BRWD3: variants seen among roughly 807,000 people sequenced by gnomAD.
BRWD3 encodes bromodomain and WD repeat domain containing 3, also known as bromodomain and WD repeat-containing protein 3.
A neutral mutation model predicts 149.7 loss-of-function variants in BRWD3; 10 were observed. That is an observed-to-expected ratio of 0.07 (90% CI 0.04 to 0.11). The LOEUF is 0.11. Among genes scored for constraint, BRWD3 ranks in the 10% least tolerant of loss-of-function variants. BRWD3 has a pLI of 1.00. For missense variants in BRWD3, 940 were observed against 1,373.2 expected, an observed-to-expected ratio of 0.68 and a Z score of 4.99; for synonymous variants, 504 against 456.7, an observed-to-expected ratio of 1.10 and a Z score of -1.32.
At chrX:80,789,544 T>C (rs985645863) in intron 6 of BRWD3, among the ~76,000 whole-genome samples, 1 of 109,959 alleles carries the variant, frequency 9.1e-6, no homozygotes, top group African/African-American at 3.3e-5. Flanking sequence ...CCCAGCTAAT[T>C]TTTCGTATTT....
In BRWD3 at chrX:80,675,002, A is replaced by G. The variant is rs1026009550; in HGVS notation, c.*1607T>C. On this transcript the variant is annotated 3_prime_UTR_variant, in exon 41 of 41. Transcript: ENST00000373275. The stretch of plus-strand genomic sequence containing the variant: ...ACTAAGAAGTCTGTTTTATCCCATG[A>G]GCCTGATCTAAGTGCAACAAATTTG... The G allele has an allele frequency of 1.8e-5, 2 of 111,728 alleles. No homozygotes were observed. The highest frequency in any genetic ancestry group is 5.6e-4 in the East Asian group (2 of 3,551). 9.2% of individuals were successfully genotyped at this position (111,728 alleles called of 1,213,427 possible).
intron 12 of BRWD3, chrX:80,733,155 T>C (rs1017397770): frequency 5.5e-6 from 1 of 182,329 alleles, no homozygotes; most frequent in African/African-American, 3.1e-5. Context: ...AGAACAATGT[T>C]ACACTGGCAG....
At chrX:80,711,062 C>T (rs2072958114) in intron 20 of BRWD3, among the ~76,000 whole-genome samples, 1 of 110,876 alleles carries the variant, frequency 9.0e-6, no homozygotes, top group African/African-American at 3.3e-5. Context: ...TTTACGTATG[C>T]CACATTATTC....
intron 3 of BRWD3, 22 bp from the exon 4 acceptor site, chrX:80,808,620 A>G: frequency 8.3e-7 from 1 of 1,198,875 alleles, no homozygotes; most frequent in Non-Finnish European, 1.1e-6. Context: ...ACGAAAAGAA[A>G]GGGGGAAGCG....
chrX:80,712,613 G>T (rs1449687328), intron 20 of BRWD3, among the ~76,000 whole-genome samples: 1 of 105,991 alleles, frequency 9.4e-6, no homozygotes, highest in African/African-American at 3.5e-5. Flanking sequence ...GCTGCCCATC[G>T]TCTGGGATGT....
At chrX:80,714,947 G>A (rs1307654662) in intron 20 of BRWD3, among the ~76,000 whole-genome samples, 2 of 111,994 alleles carry the variant, frequency 1.8e-5, no homozygotes. Flanking sequence ...ATTAAAATTT[G>A]AAGTGAAAAC....
Position 80,688,077 on chromosome X carries a change from C to T in BRWD3, c.3856G>A (p.Gly1286Arg). 8.3e-7 allele frequency: 1 copy of T among 1,199,682 alleles called. No individual in the cohort carries two copies. The highest frequency in any genetic ancestry group is 1.1e-6 in the Non-Finnish European group (1 of 884,806). Residue 1286 changes from glycine to arginine, a missense_variant, in exon 34 of 41, where the codon GGA (glycine) becomes AGA (arginine). Gly to Arg is a moderately radical substitution (Grantham distance 125). Around this residue, in one of 6 missense-constraint regions of BRWD3, gnomAD observed 349 missense variants for 419.6 expected, o/e 0.83. Coordinates refer to ENST00000373275, the MANE Select transcript of BRWD3 (RefSeq NM_153252.5). ...LDSDGPGTSS[G>R]RKVKCRGRRQ... ...TTCACTTATTTACTCACCTTTCTTC[C>T]AGATGAAGTACCAGGACCGTCTGAA...
intron 14 of BRWD3, among the ~76,000 whole-genome samples, chrX:80,726,614 C>A (rs2073252887): frequency 9.1e-6 from 1 of 110,174 alleles, no homozygotes; most frequent in African/African-American, 3.3e-5. Context: ...AAAAAATGAT[C>A]ATATCCTGCA....
intron 17 of BRWD3, among the ~76,000 whole-genome samples, chrX:80,721,124 A>T (rs2147751626): frequency 8.9e-6 from 1 of 112,210 alleles, no homozygotes; most frequent in South Asian, 3.7e-4. Context: ...TGAGTACAAA[A>T]TTTTTATATA....
intron 6 of BRWD3, among the ~76,000 whole-genome samples, chrX:80,786,376 A>G (rs1016447227): frequency 9.0e-6 from 1 of 111,000 alleles, no homozygotes; most frequent in African/African-American, 3.3e-5. Context: ...TACAAATTCT[A>G]TGCATAGTGG....
chrX:80,775,570 G>A (rs1387653071), intron 6 of BRWD3, among the ~76,000 whole-genome samples: 1 of 111,773 alleles, frequency 8.9e-6, no homozygotes, highest in East Asian at 2.8e-4. Flanking sequence ...AAAGATTGCA[G>A]AACACTTAAA....
intron 4 of BRWD3, among the ~76,000 whole-genome samples, chrX:80,805,567 A>C (rs2074341144): frequency 9.0e-6 from 1 of 111,613 alleles, no homozygotes; most frequent in Non-Finnish European, 1.9e-5. Flanking sequence ...CTTTGCCCTA[A>C]ATTTCAATCC....
chrX:80,684,032 T>C lies in BRWD3; in HGVS notation c.4211A>G (p.Tyr1404Cys), dbSNP rs2147678381. Residue 1404 changes from tyrosine to cysteine, a missense_variant, in exon 37 of 41, where the codon TAT (tyrosine) becomes TGT (cysteine). This residue lies in a region of BRWD3 where 349 missense variants were observed against 419.6 expected (regional missense o/e 0.83). Coordinates refer to ENST00000373275, the MANE Select transcript of BRWD3 (RefSeq NM_153252.5). Reference protein sequence around the residue: ...VRQIFNNSKAYTSNKKSRIYS... With the variant: ...VRQIFNNSKACTSNKKSRIYS... Reference sequence around the variant, plus strand: ...TACCCTTGACTTTTTATTAGAGGTATAAGCTTTGGAGTTGTTGAATATTTG... The same window carrying C: ...TACCCTTGACTTTTTATTAGAGGTACAAGCTTTGGAGTTGTTGAATATTTG... 8.3e-7 allele frequency: 1 copy of C among 1,208,749 alleles called. No homozygotes were observed. The highest frequency in any genetic ancestry group is 1.1e-6 in the Non-Finnish European group (1 of 893,291).
At chrX:80,800,864 T>G (rs2147865633) in intron 4 of BRWD3, among the ~76,000 whole-genome samples, 1 of 111,194 alleles carries the variant, frequency 9.0e-6, no homozygotes, top group Non-Finnish European at 1.9e-5. Context: ...ATAGCATTTC[T>G]TTTTCTTTTT....
At chrX:80,744,458 T>C (rs1157525895) in intron 7 of BRWD3, among the ~76,000 whole-genome samples, 1 of 112,515 alleles carries the variant, frequency 8.9e-6, no homozygotes, top group East Asian at 2.8e-4. Flanking sequence ...AAAGTGACAA[T>C]GGCATTTGTG....
chrX:80,809,005 C>A lies in BRWD3; in HGVS notation c.120+8G>T, dbSNP rs971347671. ...ACCCTCCCCACCCTTCCCGAAGGGGCTCCGTACCTGATGCTCCTCGAGCTC... is the reference window on the plus strand; with the variant it reads ...ACCCTCCCCACCCTTCCCGAAGGGGATCCGTACCTGATGCTCCTCGAGCTC... On this transcript the variant is annotated splice_region_variant and intron_variant, in intron 3 of 40. Transcript: ENST00000373275. 2.5e-6 allele frequency: 3 copies of A among 1,198,346 alleles called. No individual in the cohort carries two copies. The highest frequency in any genetic ancestry group is 3.4e-6 in the Non-Finnish European group (3 of 888,545).
At chrX:80,735,068 T>C in intron 10 of BRWD3, 59 bp downstream of exon 10, 1 of 1,012,993 alleles carries the variant, frequency 9.9e-7, no homozygotes. Flanking sequence ...CATAAATCAC[T>C]TTCACAACTG....
In BRWD3 at chrX:80,751,756, C is replaced by T. The variant is rs546758787; in HGVS notation, c.431-6027G>A. On this transcript the variant is annotated intron_variant, in intron 6 of 40. Coordinates refer to ENST00000373275, the MANE Select transcript of BRWD3 (RefSeq NM_153252.5). The stretch of plus-strand genomic sequence containing the variant: ...TCTGAGTCTCCACTGTCTACCATTC[C>T]ACTCTCTACATCCAGATGTCCACAT... Among the ~76,000 whole-genome samples, 17 of 110,147 alleles carry T rather than the reference C, an allele frequency of 1.5e-4. No homozygotes were observed. The South Asian group carries it at 6.2e-3, about 40-fold the overall frequency.
chrX:80,722,241 A>G (rs1221125663), intron 17 of BRWD3, among the ~76,000 whole-genome samples: 1 of 112,081 alleles, frequency 8.9e-6, no homozygotes, highest in Non-Finnish European at 1.9e-5. Context: ...GAATTCCATC[A>G]GTTATAAAAG....
Sources: gnomAD v4.1 joint callset for allele counts (sites outside exome capture counted in the v4.1 genomes callset) on GRCh38, gnomAD v4.1.1 for gene constraint, gnomAD v4.1.1 regional missense constraint, MANE v1.5 for transcripts, NCBI Gene and HGNC (gene_info 2026-07-23, HGNC 2026-07-21) for gene names.